Variants in DNAI3 observed in about 807,000 individuals in gnomAD.
DNAI3 encodes dynein axonemal intermediate chain 3.
In DNAI3, 83 loss-of-function variants were observed where a neutral mutation model predicts 115.5. The ratio of observed to expected loss-of-function variants is 0.72; its 90% CI spans 0.60 to 0.86. The LOEUF (loss-of-function observed/expected upper bound fraction) is 0.86. DNAI3 is among the 40% of genes least tolerant of loss of function. DNAI3 has a pLI of 0.00. For synonymous variants in DNAI3, 320 were observed against 347.0 expected, an observed-to-expected ratio of 0.92 and a Z score of 0.86; for missense variants, 1,004 against 1,075.8, an observed-to-expected ratio of 0.93 and a Z score of 0.93.
At chr1:85,095,418 A>T (rs968587603) in intron 10 of DNAI3, among the ~76,000 whole-genome samples, 3 of 152,118 alleles carry the variant, frequency 2.0e-5, no homozygotes, top group Non-Finnish European at 2.9e-5. Context: ...AGACCCAGAG[A>T]TCAAATTGAA....
chr1:85,083,473 T>A (rs1045083922), intron 5 of DNAI3, among the ~76,000 whole-genome samples: 1 of 151,956 alleles, frequency 6.6e-6, no homozygotes, highest in African/African-American at 2.4e-5. Context: ...GGTGACAGAG[T>A]GAGACCCTGT....
chr1:85,123,353 G>A (rs1193037958), intron 18 of DNAI3, among the ~76,000 whole-genome samples: 2 of 152,176 alleles, frequency 1.3e-5, no homozygotes, highest in African/African-American at 2.4e-5. Flanking sequence ...CACTTAGAGT[G>A]TAATCTGAAC....
chr1:85,084,977 T>C (rs1230305036), intron 6 of DNAI3, among the ~76,000 whole-genome samples: 1 of 151,888 alleles, frequency 6.6e-6, no homozygotes, highest in Non-Finnish European at 1.5e-5. Flanking sequence ...TAAGATGAGG[T>C]CATACTGGAG....
In DNAI3 at chr1:85,068,127, C is replaced by CT. The variant is rs10717211; in HGVS notation, c.-14-3787dup. 1.0e-3 allele frequency among the ~76,000 whole-genome samples: 150 copies of CT among 147,466 alleles called. 1 individual carries two copies. The highest frequency in any genetic ancestry group is 2.8e-3 in the African/African-American group (113 of 40,120). On this transcript the variant is annotated intron_variant, in intron 1 of 22. Coordinates refer to ENST00000294664, the MANE Select transcript of DNAI3 (RefSeq NM_145172.5). ...GAGGACCAAGGAGTTATTAATCTAACTTTTTTTTTTTTTTAGTATGTTCAC... is the reference window on the plus strand; with the variant it reads ...GAGGACCAAGGAGTTATTAATCTAACTTTTTTTTTTTTTTTAGTATGTTCAC...
intron 8 of DNAI3, among the ~76,000 whole-genome samples, chr1:85,091,029 C>CA (rs1484802716): frequency 6.6e-6 from 1 of 152,190 alleles, no homozygotes; most frequent in Admixed American, 6.5e-5. Context: ...CAACAACTCT[C>CA]AAACTTGTTA....
chr1:85,128,053 A>T (rs1656199341), intron 20 of DNAI3, among the ~76,000 whole-genome samples: 2 of 131,682 alleles, frequency 1.5e-5, no homozygotes, highest in Non-Finnish European at 3.1e-5. Context: ...TCAGCCTGGG[A>T]GGTTGAGGCT....
At chr1:85,072,261 A>C (rs184851543) in intron 2 of DNAI3, among the ~76,000 whole-genome samples, 25 of 152,350 alleles carry the variant, frequency 1.6e-4, no homozygotes, top group African/African-American at 5.8e-4. Flanking sequence ...ACAATTATTC[A>C]GATTTTCTCT....
chr1:85,119,681 C>T (rs1200643366), intron 17 of DNAI3, among the ~76,000 whole-genome samples: 1 of 151,930 alleles, frequency 6.6e-6, no homozygotes, highest in Non-Finnish European at 1.5e-5. Context: ...TCTGGCAGCT[C>T]TGTTTTTTCC....
chr1:85,097,682 C>G, intron 12 of DNAI3, 27 bp downstream of exon 12: 1 of 1,583,398 alleles, frequency 6.3e-7, no homozygotes, highest in Non-Finnish European at 8.6e-7. Context: ...ATTTCACTTG[C>G]AAGTTTTTTC....
chr1:85,099,644 A>C (rs1392661057), intron 13 of DNAI3, among the ~76,000 whole-genome samples: 1 of 152,212 alleles, frequency 6.6e-6, no homozygotes, highest in Non-Finnish European at 1.5e-5. Flanking sequence ...ATGGAACCAA[A>C]AAAGAGCCCG....
chr1:85,130,684 GATA>G, intron 22 of DNAI3, among the ~76,000 whole-genome samples: 1 of 83,538 alleles, frequency 1.2e-5, no homozygotes, highest in Non-Finnish European at 2.4e-5. Flanking sequence ...TAGATAGATA[GATA>G]GATAGATAGA....
chr1:85,097,855 G>A (rs957608166), intron 12 of DNAI3, among the ~76,000 whole-genome samples, 200 bp downstream of exon 12: 4 of 152,122 alleles, frequency 2.6e-5, no homozygotes, highest in African/African-American at 9.7e-5. Context: ...AAAACACAAT[G>A]AATCAAGTTG....
At position 85,104,540 on chromosome 1, in the gene DNAI3, C is replaced by T. The variant is rs1420212858; in HGVS notation, c.1496C>T (p.Ser499Phe). The T allele has an allele frequency of 1.9e-6, 3 of 1,613,644 alleles. No individual in the cohort carries two copies. The Admixed American group carries it at 5.0e-5, about 27-fold the overall frequency. Reference sequence around the variant, plus strand: ...GAAAAATAGATTAACAGAATGGGCTCCGTCTTTGAGAATCGAAGTGGAATA... The same window carrying T: ...GAAAAATAGATTAACAGAATGGGCTTCGTCTTTGAGAATCGAAGTGGAATA... ...SDTFEINRMG[S>F]VFENRSGICC... The change falls in exon 14 of 23, where the codon TCC becomes TTC. Residue 499 changes from serine (S) to phenylalanine (F), a missense_variant. Physicochemically the swap from Ser to Phe is radical, Grantham distance 155. Coordinates refer to ENST00000294664, the MANE Select transcript of DNAI3 (RefSeq NM_145172.5).
intron 18 of DNAI3, among the ~76,000 whole-genome samples, chr1:85,123,110 C>A (rs1383087357): frequency 2.0e-5 from 3 of 152,190 alleles, no homozygotes; most frequent in Non-Finnish European, 4.4e-5. Flanking sequence ...TCTTCCTATT[C>A]AAGTTGTCTC....
rs558738745 is a variant in DNAI3 at position 85,121,877 on chromosome 1, A to G, written c.1981+63A>G. The G allele has an allele frequency of 2.6e-6, 4 of 1,557,256 alleles. No homozygotes were observed. In the African/African-American group the frequency reaches 5.4e-5, roughly 21 times the overall value. ...CCTTTTAATTTAAACTACCCAAAGGAATCTCATGCAGTACAGAGTCACCCT... is the reference window on the plus strand; with the variant it reads ...CCTTTTAATTTAAACTACCCAAAGGGATCTCATGCAGTACAGAGTCACCCT... On this transcript the variant is annotated intron_variant, in intron 18 of 22. Coordinates refer to ENST00000294664, the MANE Select transcript of DNAI3 (RefSeq NM_145172.5).
chr1:85,107,968 A>G (rs1655537953), intron 14 of DNAI3, 65 bp from the exon 15 acceptor site: 2 of 1,195,022 alleles, frequency 1.7e-6, no homozygotes, highest in Non-Finnish European at 1.1e-6. Flanking sequence ...AGCAGCATTA[A>G]TGGTAGTCCT....
intron 1 of DNAI3, among the ~76,000 whole-genome samples, chr1:85,069,434 G>C (rs1654199243): frequency 6.6e-6 from 1 of 152,104 alleles, no homozygotes; most frequent in Admixed American, 6.6e-5. Context: ...CTTGCACAAG[G>C]GGTTTTGCCT....
intron 3 of DNAI3, among the ~76,000 whole-genome samples, chr1:85,075,048 GT>G (rs1424006160): frequency 6.6e-6 from 1 of 151,958 alleles, no homozygotes; most frequent in East Asian, 1.9e-4. Flanking sequence ...ACTTATTTTT[GT>G]TTTTTATTTA....
intron 4 of DNAI3, 62 bp from the exon 5 acceptor site, chr1:85,082,238 G>A: frequency 7.9e-7 from 1 of 1,271,538 alleles, no homozygotes; most frequent in Non-Finnish European, 1.1e-6. Flanking sequence ...TTTTGTGTTG[G>A]CATCAAAATA....
Sources: allele counts gnomAD v4.1 joint callset (sites outside exome capture counted in the v4.1 genomes callset), GRCh38; gene constraint gnomAD v4.1.1; transcripts MANE v1.5; gene names NCBI Gene and HGNC (gene_info 2026-07-23, HGNC 2026-07-21).